Variants in CPB1 observed in about 807,000 individuals in gnomAD.
CPB1 encodes carboxypeptidase B1.
A neutral mutation model predicts 51.4 loss-of-function variants in CPB1; 53 were observed. That is an observed-to-expected ratio of 1.03 (90% CI 0.83 to 1.30). The LOEUF (loss-of-function observed/expected upper bound fraction) is 1.30. CPB1 is among the 50% of genes most tolerant of loss of function. The pLI is 0.00. For missense variants in CPB1, 494 were observed against 516.2 expected, an observed-to-expected ratio of 0.96 and a Z score of 0.42; for synonymous variants, 189 against 186.9, an observed-to-expected ratio of 1.01 and a Z score of -0.09.
At chr3:148,851,825 G>A (rs972227293) in intron 9 of CPB1, 1 of 152,242 alleles carries the variant, frequency 6.6e-6, no homozygotes. Context: ...AATCAATGAG[G>A]TAACCAGGTT....
At position 148,827,850 on chromosome 3, in the gene CPB1, T is replaced by C; in HGVS notation, c.27T>C (p.Thr9=). 2 of 1,614,238 alleles carry C rather than the reference T, an allele frequency of 1.2e-6. No homozygotes were observed. Among genetic ancestry groups the C allele is most frequent in the South Asian group, 2.2e-5 (2 of 91,084 alleles). ...TGTTGGCACTCTTGGTTCTGGTGAC[T>C]GTGGCCCTGGCATCTGCTCATCATG... MLALLVLV[T]VALASAHHGG... The change falls in exon 1 of 11, where the codon ACT becomes ACC. Residue 9 remains threonine (T), a synonymous_variant. Transcript: ENST00000282957.
chr3:148,832,715 A>G (rs1241270631), intron 2 of CPB1, among the ~76,000 whole-genome samples: 1 of 152,174 alleles, frequency 6.6e-6, no homozygotes, highest in African/African-American at 2.4e-5. Context: ...TTGAACCACA[A>G]AGAATAATTT....
chr3:148,832,317 G>C (rs1712765619), intron 2 of CPB1, among the ~76,000 whole-genome samples: 1 of 152,024 alleles, frequency 6.6e-6, no homozygotes, highest in Non-Finnish European at 1.5e-5. Flanking sequence ...CCATTTATAA[G>C]CAATTAAGCT....
intron 9 of CPB1, among the ~76,000 whole-genome samples, chr3:148,852,134 T>A (rs1288457539): frequency 6.6e-6 from 1 of 152,230 alleles, no homozygotes; most frequent in Admixed American, 6.5e-5. Flanking sequence ...GTTTAAAAGA[T>A]AGCTGTAATG....
At position 148,827,914 on chromosome 3, in the gene CPB1, G is replaced by A; in HGVS notation, c.71+20G>A. 3 of 1,613,692 alleles carry A rather than the reference G, an allele frequency of 1.9e-6. No homozygotes were observed. Among genetic ancestry groups the A allele is most frequent in the Non-Finnish European group, 2.5e-6 (3 of 1,179,666 alleles). ...TGAAGGGTAAGTAAGCCATCTTTAA[G>A]GAGCAAGTCCTTCTTCCTTGCTAGC... On this transcript the variant is annotated intron_variant, in intron 1 of 10. Transcript: ENST00000282957.
At chr3:148,828,217 G>T (rs1313664857) in intron 2 of CPB1, 140 bp downstream of exon 2, 1 of 662,220 alleles carries the variant, frequency 1.5e-6, no homozygotes, top group Middle Eastern at 4.2e-4. Flanking sequence ...AACATTTAGT[G>T]CCATAATGTC....
intron 3 of CPB1, among the ~76,000 whole-genome samples, chr3:148,837,869 AT>A (rs1712952101): frequency 1.3e-5 from 2 of 152,100 alleles, no homozygotes; most frequent in Admixed American, 1.3e-4. Flanking sequence ...AAAATGTTTA[AT>A]ATTTAAAGTA....
intron 6 of CPB1, 52 bp downstream of exon 6, chr3:148,841,976 A>C: frequency 7.8e-7 from 1 of 1,281,254 alleles, no homozygotes; most frequent in Non-Finnish European, 1.1e-6. Context: ...TTTAATTTTC[A>C]ATTAATTCCT....
At chr3:148,854,736 T>C (rs1020312359) in intron 9 of CPB1, 2 of 152,194 alleles carry the variant, frequency 1.3e-5, no homozygotes, top group Non-Finnish European at 2.9e-5. Context: ...ACAAAATGAA[T>C]AGCCAACAAT....
chr3:148,857,606 G>A, intron 10 of CPB1, 65 bp downstream of exon 10: 2 of 1,247,526 alleles, frequency 1.6e-6, no homozygotes, highest in Non-Finnish European at 2.3e-6. Flanking sequence ...AAGGTTCCTG[G>A]GGCCTTTCTT....
chr3:148,827,979 G>A (rs1712620521), intron 1 of CPB1, 23 bp from the exon 2 acceptor site: 2 of 1,613,220 alleles, frequency 1.2e-6, no homozygotes, highest in South Asian at 2.2e-5. Context: ...AATTCTCTGT[G>A]CTTCTATTAT....
At chr3:148,840,579 GA>G (rs1393957557) in intron 3 of CPB1, 106 bp from the exon 4 acceptor site, 1 of 861,244 alleles carries the variant, frequency 1.2e-6, no homozygotes, top group East Asian at 2.4e-5. Flanking sequence ...AATTTATGGA[GA>G]GTGCAATGTG....
At chr3:148,837,754 A>C (rs1712948819) in intron 3 of CPB1, among the ~76,000 whole-genome samples, 1 of 151,518 alleles carries the variant, frequency 6.6e-6, no homozygotes, top group Admixed American at 6.6e-5. Flanking sequence ...TTTCAACCTC[A>C]CTCTGATGCT....
rs201609971 is a variant in CPB1 at position 148,844,586 on chromosome 3, A to T, written c.685A>T (p.Lys229Ter). Residue 229 changes from lysine to a stop codon, truncating the protein, a stop_gained and splice_region_variant, in exon 7 of 11, where the codon AAG becomes TAG. Coordinates refer to ENST00000282957, the MANE Select transcript of CPB1 (RefSeq NM_001871.3). LOFTEE classifies it high-confidence loss of function. ...TGATGGCTACATCTACACCTGGACC[A>T]AGGTATATGCACCAATACTGAGAGA... ...NIDGYIYTWT[K>*]SRFWRKTRST... The T allele has an allele frequency of 9.3e-6, 15 of 1,613,070 alleles. No individual in the cohort carries two copies. Among genetic ancestry groups the T allele is most frequent in the Admixed American group, 1.7e-5 (1 of 59,970 alleles).
chr3:148,842,443 T>G (rs561367968), intron 6 of CPB1, among the ~76,000 whole-genome samples: 2 of 152,316 alleles, frequency 1.3e-5, no homozygotes, highest in South Asian at 4.1e-4. Flanking sequence ...TGTTTTTCAT[T>G]CCTTATCATT....
At chr3:148,832,933 G>A (rs1360563655) in intron 2 of CPB1, among the ~76,000 whole-genome samples, 2 of 152,138 alleles carry the variant, frequency 1.3e-5, no homozygotes, top group Non-Finnish European at 2.9e-5. Context: ...TCTCAACCTT[G>A]TCGTCTATAA....
chr3:148,840,994 G>A lies in CPB1; in HGVS notation c.474+19G>A. 6.3e-7 allele frequency: 1 copy of A among 1,598,420 alleles called. No individual in the cohort carries two copies. Among genetic ancestry groups the A allele is most frequent in the Non-Finnish European group, 8.6e-7 (1 of 1,166,348 alleles). ...CCTGAAGGTAATCATTTTTAACCAT[G>A]ACCTTGCCATGTCTGAGGGCTTTAA... On this transcript the variant is annotated intron_variant, in intron 5 of 10. Transcript: ENST00000282957.
At chr3:148,841,201 G>A (rs1242026497) in intron 5 of CPB1, among the ~76,000 whole-genome samples, 5 of 152,156 alleles carry the variant, frequency 3.3e-5, no homozygotes, top group Admixed American at 6.5e-5. Flanking sequence ...AATAAGAGAA[G>A]ACCTATAAAT....
At chr3:148,846,598 G>A (rs866089352) in intron 9 of CPB1, among the ~76,000 whole-genome samples, 14 of 150,820 alleles carry the variant, frequency 9.3e-5, no homozygotes, top group South Asian at 6.3e-4. Context: ...ATGTAATGCC[G>A]TAAATATTTT....
Sources: gnomAD v4.1 joint callset for allele counts (sites outside exome capture counted in the v4.1 genomes callset) on GRCh38, gnomAD v4.1.1 for gene constraint, MANE v1.5 for transcripts, NCBI Gene and HGNC (gene_info 2026-07-23, HGNC 2026-07-21) for gene names.